MR1: variants seen among roughly 807,000 people sequenced by gnomAD.
MR1 encodes the protein major histocompatibility complex, class I-related.
In MR1, 44 loss-of-function variants were observed where a neutral mutation model predicts 37.8. The observed-to-expected ratio is 1.16, with a 90% CI of 0.91 to 1.50. The LOEUF is 1.50. Ranked by LOEUF, MR1 falls within the 40% of genes most tolerant of loss-of-function variation. The pLI is 0.00. For missense variants in MR1, 386 were observed against 419.1 expected (o/e 0.92, Z 0.69); for synonymous variants, 153 against 155.8 (o/e 0.98, Z 0.13).
At position 181,049,315 on chromosome 1, in the gene MR1, G is replaced by C; in HGVS notation, c.328+3G>C. The stretch of plus-strand genomic sequence containing the variant: ...ACAGAGGCACTACAATCACTCAGGT[G>C]TGCATGCGGCAGAGACAGACGCTTC... On this transcript the variant is annotated splice_donor_region_variant and intron_variant, in intron 2 of 5. Coordinates refer to ENST00000367580, the MANE Select transcript of MR1 (RefSeq NM_001385161.1). 1 of 1,612,192 alleles carries C rather than the reference G, an allele frequency of 6.2e-7. No homozygotes were observed. Among genetic ancestry groups the C allele is most frequent in the Non-Finnish European group, 8.5e-7 (1 of 1,178,970 alleles).
intron 1 of MR1, among the ~76,000 whole-genome samples, chr1:181,034,752 T>G (rs1433759068): frequency 6.6e-6 from 1 of 152,192 alleles, no homozygotes; most frequent in Non-Finnish European, 1.5e-5. Context: ...AACTTAGACT[T>G]GGCCACCACC....
intron 1 of MR1, among the ~76,000 whole-genome samples, chr1:181,035,894 G>A (rs1657243597): frequency 6.6e-6 from 1 of 152,136 alleles, no homozygotes; most frequent in African/African-American, 2.4e-5. Flanking sequence ...ATAAAGGCAA[G>A]GGAAGGTCAC....
At chr1:181,035,370 T>G (rs1023616372) in intron 1 of MR1, among the ~76,000 whole-genome samples, 1 of 151,940 alleles carries the variant, frequency 6.6e-6, no homozygotes, top group Non-Finnish European at 1.5e-5. Context: ...ATTGTTCAAA[T>G]ATTGATTGAT....
chr1:181,050,207 A>G lies in MR1; in HGVS notation c.525A>G (p.Gln175=), dbSNP rs1658225816. The G allele has an allele frequency of 3.7e-6, 6 of 1,614,142 alleles. No individual in the cohort carries two copies. The highest frequency in any genetic ancestry group is 5.1e-6 in the Non-Finnish European group (6 of 1,180,050). The part of the protein sequence containing the change: ...WEANQHELLY[Q]KNWLEEECIA... Reference sequence around the variant, plus strand: ...CCAATCAGCATGAGTTGCTGTATCAAAAGAATTGGCTGGAAGAAGAATGTA... The same window carrying G: ...CCAATCAGCATGAGTTGCTGTATCAGAAGAATTGGCTGGAAGAAGAATGTA... The change falls in exon 3 of 6, where the codon CAA becomes CAG. Residue 175 remains glutamine, a synonymous_variant. Transcript: ENST00000367580.
At chr1:181,052,092 T>C in intron 3 of MR1, 143 bp from the exon 4 acceptor site, 1 of 914,056 alleles carries the variant, frequency 1.1e-6, no homozygotes, top group Non-Finnish European at 1.6e-6. Context: ...ACGTTTGTTG[T>C]TGATGAACCT....
At chr1:181,053,764 C>T (rs1571401260) in intron 5 of MR1, 87 bp downstream of exon 5, 3 of 965,734 alleles carry the variant, frequency 3.1e-6, no homozygotes, top group Admixed American at 3.9e-5. Flanking sequence ...GCTCCCTCCT[C>T]CATTCAGAAA....
Position 181,060,618 on chromosome 1 carries a change from G to A in MR1, c.*5353G>A, listed in dbSNP as rs1357877758. ...GAGCATTTGGGGGCAGGAGGCAAAT[G>A]TTCTTCCTTTAAATCACAACACTTA... On this transcript the variant is annotated 3_prime_UTR_variant, in exon 6 of 6. Coordinates refer to ENST00000367580, the MANE Select transcript of MR1 (RefSeq NM_001385161.1). 9 of 152,330 alleles carry A rather than the reference G, an allele frequency of 5.9e-5. No homozygotes were observed. The East Asian group carries it at 1.7e-3, about 29-fold the overall frequency. The allele number at this position is 152,330 out of a possible 1,614,324, so 9.4% of individuals were successfully genotyped here. A position where few individuals can be genotyped will look rare whatever the true frequency, so the allele number is the denominator to read the frequency against.
chr1:181,038,890 G>A (rs1027910587), intron 1 of MR1, among the ~76,000 whole-genome samples: 1 of 151,788 alleles, frequency 6.6e-6, no homozygotes, highest in Non-Finnish European at 1.5e-5. Context: ...TACAACCTCC[G>A]CCTCCTGGGT....
chr1:181,049,419 T>C lies in MR1; in HGVS notation c.328+107T>C, dbSNP rs1658158522. On this transcript the variant is annotated intron_variant, in intron 2 of 5. Transcript: ENST00000367580. ...TGCTGAATTGCACCTGCTGTAGCTT[T>C]GGCAAAGCCTGAGGAATCAGGTTGG... The C allele has an allele frequency of 2.9e-6, 4 of 1,373,958 alleles. No individual in the cohort carries two copies. The South Asian group carries it at 5.9e-5, about 20-fold the overall frequency. The allele number at this position is 1,373,958 out of a possible 1,614,324, so 85.1% of individuals were successfully genotyped here.
intron 1 of MR1, among the ~76,000 whole-genome samples, chr1:181,042,898 T>C (rs902294958): frequency 2.0e-5 from 3 of 152,164 alleles, no homozygotes; most frequent in African/African-American, 7.2e-5. Flanking sequence ...AACAATTTAA[T>C]TCACCCAATA....
intron 1 of MR1, among the ~76,000 whole-genome samples, chr1:181,048,227 A>AAATGCTCAGTGCATGTGTTTGTG (rs1491398561): frequency 6.9e-6 from 1 of 143,988 alleles, no homozygotes. Context: ...AAAAAAATAA[A>AAATGCTCAGTGCATGTGTTTGTG]TAAAATAAAA....
intron 3 of MR1, chr1:181,051,035 A>G (rs1157985908): frequency 6.6e-6 from 1 of 152,176 alleles, no homozygotes. Context: ...CTCCTCTTAT[A>G]CCTTAAAGAT....
At chr1:181,046,752 C>G (rs1657902065) in intron 1 of MR1, among the ~76,000 whole-genome samples, 1 of 152,130 alleles carries the variant, frequency 6.6e-6, no homozygotes, top group Admixed American at 6.5e-5. Context: ...GTCCACACTG[C>G]CTTTATGAGC....
rs933269492 is a variant in MR1 at position 181,046,816 on chromosome 1, C to T, written c.68-2236C>T. Among the ~76,000 whole-genome samples the T allele has an allele frequency of 6.6e-5, 10 of 152,138 alleles. No individual in the cohort carries two copies. In the East Asian group the frequency reaches 1.2e-3, roughly 18 times the overall value. ...TTCACTCCTGAAGCCAGCGAGACCACGAGCCCACCAGGAGGAACGAACAAC... is the reference window on the plus strand; with the variant it reads ...TTCACTCCTGAAGCCAGCGAGACCATGAGCCCACCAGGAGGAACGAACAAC... On this transcript the variant is annotated intron_variant, in intron 1 of 5. Transcript: ENST00000367580.
At chr1:181,035,733 G>A (rs571089048) in intron 1 of MR1, among the ~76,000 whole-genome samples, 1 of 152,256 alleles carries the variant, frequency 6.6e-6, no homozygotes, top group East Asian at 1.9e-4. Flanking sequence ...TAGGCCTAGA[G>A]AGTGACCACG....
In MR1 at chr1:181,035,598, A is replaced by C. The variant is rs191323656; in HGVS notation, c.67+1524A>C. Among the ~76,000 whole-genome samples, 695 of 152,342 alleles carry C rather than the reference A, an allele frequency of 4.6e-3. 5 individuals carry two copies. Among genetic ancestry groups the C allele is most frequent in the Non-Finnish European group, 6.2e-3 (423 of 68,036 alleles). ...TATATATTACCTGCATGTGATTCTC[A>C]AAGAACTCTCCAATAATATGGAATA... On this transcript the variant is annotated intron_variant, in intron 1 of 5. Transcript: ENST00000367580.
At chr1:181,046,720 C>T (rs1035797162) in intron 1 of MR1, among the ~76,000 whole-genome samples, 1 of 152,114 alleles carries the variant, frequency 6.6e-6, no homozygotes. Flanking sequence ...TGCAATAAAT[C>T]CTGCTGCTGC....
rs1658433612 is a variant in MR1 at position 181,053,449 on chromosome 1, G to C, written c.881-124G>C. On this transcript the variant is annotated intron_variant, in intron 4 of 5. Coordinates refer to ENST00000367580, the MANE Select transcript of MR1 (RefSeq NM_001385161.1). ...ATTCCATTAGTGGTCAGATTGATGA[G>C]TGAGAAGCAACAGTAAGGAAAATGG... is the stretch of plus-strand genomic sequence containing the variant. 6.0e-6 allele frequency: 4 copies of C among 670,124 alleles called. No homozygotes were observed. In the South Asian group the frequency reaches 7.4e-5, roughly 12 times the overall value. The allele number at this position is 670,124 out of a possible 1,614,324, so 41.5% of individuals were successfully genotyped here.
chr1:181,059,808 C>T lies in MR1; in HGVS notation c.*4543C>T, dbSNP rs1409457988. On this transcript the variant is annotated 3_prime_UTR_variant, in exon 6 of 6. Transcript: ENST00000367580. ...GAAGTCATAAAATCCTGCTCAGGTT[C>T]AAAAAGAGGGTGTATAGAACCCAAC... 1 of 152,040 alleles carries T rather than the reference C, an allele frequency of 6.6e-6. No individual in the cohort carries two copies. The highest frequency in any genetic ancestry group is 1.5e-5 in the Non-Finnish European group (1 of 68,030). The allele number at this position is 152,040 out of a possible 1,614,324, so 9.4% of individuals were successfully genotyped here.
Sources: gnomAD v4.1 joint callset for allele counts (sites outside exome capture counted in the v4.1 genomes callset) on GRCh38, gnomAD v4.1.1 for gene constraint, MANE v1.5 for transcripts, NCBI Gene and HGNC (gene_info 2026-07-23, HGNC 2026-07-21) for gene names.